The following ZNG1E variants were observed in gnomAD, a reference collection of about 807,000 sequenced individuals.
ZNG1E encodes Zn regulated GTPase metalloprotein activator 1E, also known as zinc-regulated GTPase metalloprotein activator 1E.
chr9:65,659,494 C>CAAAAAAAA, the ZNG1E span, among the ~76,000 whole-genome samples: 3 of 113,956 alleles, frequency 2.6e-5, no homozygotes, highest in Admixed American at 8.9e-5. Context: ...GACTCCGTCT[C>CAAAAAAAA]AAAAAAAAAA....
chr9:65,714,118 G>A, the ZNG1E span, among the ~76,000 whole-genome samples: 23 of 148,124 alleles, frequency 1.6e-4, no homozygotes, highest in Admixed American at 3.4e-4. Flanking sequence ...ATCTTCCATC[G>A]CTGATACCCT....
At chr9:65,657,892 G>T in the ZNG1E span, among the ~76,000 whole-genome samples, 1 of 152,280 alleles carries the variant, frequency 6.6e-6, no homozygotes, top group African/African-American at 2.4e-5. Context: ...CCTGAGGTCG[G>T]GAGTTTGAGA....
At chr9:65,672,803 T>C in the ZNG1E span, among the ~76,000 whole-genome samples, 1 of 130,606 alleles carries the variant, frequency 7.7e-6, no homozygotes, top group Non-Finnish European at 1.6e-5. Flanking sequence ...GAACTGAAAT[T>C]ACAACTCTAT....
the ZNG1E span, among the ~76,000 whole-genome samples, chr9:65,663,500 CA>C: frequency 6.9e-6 from 1 of 145,614 alleles, no homozygotes; most frequent in Non-Finnish European, 1.5e-5. Context: ...GTGCTTCTAA[CA>C]GTTTCATATC....
chr9:65,719,961 T>A, the ZNG1E span: 105 of 1,562,660 alleles, frequency 6.7e-5, no homozygotes, highest in Non-Finnish European at 8.5e-5. Flanking sequence ...GAAAGTCACT[T>A]CATTATCCTT....
the ZNG1E span, among the ~76,000 whole-genome samples, chr9:65,660,730 T>C: frequency 6.6e-5 from 10 of 150,834 alleles, no homozygotes; most frequent in African/African-American, 2.2e-4. Context: ...TCCCTGCCAA[T>C]TGATACTACA....
chr9:65,699,047 C>G, the ZNG1E span, among the ~76,000 whole-genome samples: 1 of 147,950 alleles, frequency 6.8e-6, no homozygotes, highest in East Asian at 2.0e-4. Context: ...CCACCATGCC[C>G]AGCTAATTTT....
the ZNG1E span, among the ~76,000 whole-genome samples, chr9:65,667,537 C>T: frequency 2.0e-5 from 3 of 152,392 alleles, no homozygotes; most frequent in Admixed American, 1.3e-4. Context: ...ATTAAACATA[C>T]AAGCTATGGC....
the ZNG1E span, among the ~76,000 whole-genome samples, chr9:65,675,503 C>A: frequency 2.7e-5 from 4 of 150,278 alleles, no homozygotes; most frequent in Non-Finnish European, 5.9e-5. Context: ...ACCTTCCATT[C>A]TTTCCCCTAT....
the ZNG1E span, among the ~76,000 whole-genome samples, chr9:65,673,780 G>GGGC: frequency 1.3e-5 from 2 of 152,298 alleles, no homozygotes; most frequent in Non-Finnish European, 2.9e-5. Context: ...AATCCCTGCT[G>GGGC]GGCGACAGAG....
At chr9:65,704,493 A>AT in the ZNG1E span, 1 of 591,792 alleles carries the variant, frequency 1.7e-6, no homozygotes, top group Non-Finnish European at 1.9e-6. Context: ...CTGAAGTTGG[A>AT]TTAGAATCCG....
the ZNG1E span, among the ~76,000 whole-genome samples, chr9:65,657,648 G>T: frequency 6.6e-6 from 1 of 152,208 alleles, no homozygotes; most frequent in African/African-American, 2.4e-5. Flanking sequence ...TCTAATAGTT[G>T]CTAGCACAAC....
chr9:65,675,917 T>G, the ZNG1E span: 1 of 1,607,112 alleles, frequency 6.2e-7, no homozygotes, highest in Non-Finnish European at 8.5e-7. Flanking sequence ...CGTGCGCGGC[T>G]GCGGTACGGC....
At chr9:65,656,639 A>G in the ZNG1E span, among the ~76,000 whole-genome samples, 1 of 152,290 alleles carries the variant, frequency 6.6e-6, no homozygotes, top group African/African-American at 2.4e-5. Flanking sequence ...CAGAGGCTGG[A>G]AAAGGTAAAT....
chr9:65,662,369 G>C, the ZNG1E span, among the ~76,000 whole-genome samples: 2 of 152,376 alleles, frequency 1.3e-5, no homozygotes, highest in East Asian at 3.9e-4. Context: ...CCCAGAAACA[G>C]GTCTTCGGTG....
chr9:65,706,944 A>G, the ZNG1E span: 266 of 135,150 alleles, frequency 2.0e-3, no homozygotes, highest in African/African-American at 7.8e-3. Context: ...TGAAGATGAC[A>G]AACTTGGAGG....
chr9:65,703,675 T>C, the ZNG1E span: 3 of 958,142 alleles, frequency 3.1e-6, no homozygotes, highest in Non-Finnish European at 3.6e-6. Context: ...GCTCTGAGGC[T>C]CACAGCTGGC....
At chr9:65,685,332 C>A in the ZNG1E span, among the ~76,000 whole-genome samples, 1 of 152,220 alleles carries the variant, frequency 6.6e-6, no homozygotes, top group Non-Finnish European at 1.5e-5. Flanking sequence ...GTTGACTCTC[C>A]CTTTCATAAA....
At chr9:65,680,383 A>G in the ZNG1E span, among the ~76,000 whole-genome samples, 1 of 152,198 alleles carries the variant, frequency 6.6e-6, no homozygotes, top group African/African-American at 2.4e-5. Flanking sequence ...TGTTTTTTTC[A>G]TCATCTTATT....
Sources: gnomAD v4.1 joint callset for allele counts (sites outside exome capture counted in the v4.1 genomes callset) on GRCh38, gnomAD v4.1.1 for gene constraint, MANE v1.5 for transcripts, NCBI Gene and HGNC (gene_info 2026-07-23, HGNC 2026-07-21) for gene names.